The following AGBL4 variants were observed in gnomAD, a reference collection of about 807,000 sequenced individuals.
AGBL4 encodes AGBL carboxypeptidase 4, also known as cytosolic carboxypeptidase 6.
In AGBL4, 58 loss-of-function variants were observed where a neutral mutation model predicts 66.4. The observed-to-expected ratio is 0.87, with a 90% confidence interval of 0.71 to 1.09. The LOEUF (loss-of-function observed/expected upper bound fraction) is 1.09, where lower values mean the gene tolerates loss of function less well. Ranked by LOEUF, AGBL4 falls within the 50% of genes least tolerant of loss-of-function variation. The pLI is 0.00. For missense variants in AGBL4, 579 were observed against 631.0 expected (o/e 0.92, Z 0.88); for synonymous variants, 234 against 222.9 (o/e 1.05, Z -0.44).
chr1:49,875,080 G>C (rs1297301716), intron 1 of AGBL4, among the ~76,000 whole-genome samples: 1 of 145,184 alleles, frequency 6.9e-6, no homozygotes, highest in Non-Finnish European at 1.5e-5. Context: ...GTGGTATTTG[G>C]TTTTTTTGTT....
intron 3 of AGBL4, among the ~76,000 whole-genome samples, chr1:49,292,631 C>T (rs1469928967): frequency 1.3e-5 from 2 of 152,118 alleles, no homozygotes; most frequent in African/African-American, 4.8e-5. Flanking sequence ...ATGTGATGAC[C>T]AGCTGCAAAG....
At chr1:48,960,178 T>C (rs969152029) in intron 5 of AGBL4, among the ~76,000 whole-genome samples, 1 of 151,962 alleles carries the variant, frequency 6.6e-6, no homozygotes, top group African/African-American at 2.4e-5. Flanking sequence ...AATAGGAATA[T>C]GGATATATAT....
chr1:49,819,600 G>C (rs746222550), intron 2 of AGBL4, among the ~76,000 whole-genome samples: 5 of 152,088 alleles, frequency 3.3e-5, no homozygotes, highest in African/African-American at 4.8e-5. Context: ...ACTAACAATG[G>C]ACTGTTTTAT....
At chr1:48,796,989 A>G (rs1299019967) in intron 6 of AGBL4, among the ~76,000 whole-genome samples, 1 of 152,204 alleles carries the variant, frequency 6.6e-6, no homozygotes, top group Non-Finnish European at 1.5e-5. Flanking sequence ...CTAGGGGTCA[A>G]TGATATGCAC....
intron 5 of AGBL4, among the ~76,000 whole-genome samples, chr1:48,919,405 C>T (rs1235563591): frequency 6.6e-6 from 1 of 152,196 alleles, no homozygotes; most frequent in Non-Finnish European, 1.5e-5. Context: ...GTCCAGTGCT[C>T]TTTCTCATAT....
At chr1:49,328,161 C>T (rs568838561) in intron 3 of AGBL4, among the ~76,000 whole-genome samples, 1 of 152,208 alleles carries the variant, frequency 6.6e-6, no homozygotes, top group South Asian at 2.1e-4. Context: ...TGAGGCCATG[C>T]CTTCCAAGAT....
intron 2 of AGBL4, among the ~76,000 whole-genome samples, chr1:49,732,273 A>G (rs1407559918): frequency 6.6e-6 from 1 of 152,186 alleles, no homozygotes; most frequent in Non-Finnish European, 1.5e-5. Context: ...GTTTATCCTA[A>G]GGCTGCCCAC....
intron 2 of AGBL4, among the ~76,000 whole-genome samples, chr1:49,744,815 C>A (rs988404289): frequency 6.6e-6 from 1 of 151,772 alleles, no homozygotes; most frequent in African/African-American, 2.4e-5. Context: ...TATATAGAAA[C>A]AAATTTTTGT....
intron 9 of AGBL4, among the ~76,000 whole-genome samples, chr1:48,599,206 T>C (rs1310725849): frequency 6.6e-6 from 1 of 152,220 alleles, no homozygotes; most frequent in Non-Finnish European, 1.5e-5. Flanking sequence ...TTGTTGAGAC[T>C]TTTTAGAGTT....
intron 11 of AGBL4, among the ~76,000 whole-genome samples, chr1:48,569,283 A>C (rs539840782): frequency 6.6e-6 from 1 of 152,352 alleles, no homozygotes; most frequent in African/African-American, 2.4e-5. Flanking sequence ...ACCTTAAGGG[A>C]AGAAGCAATG....
chr1:49,059,063 G>T (rs1055998789), intron 4 of AGBL4, among the ~76,000 whole-genome samples: 1 of 152,230 alleles, frequency 6.6e-6, no homozygotes, highest in Non-Finnish European at 1.5e-5. Flanking sequence ...ATTTGCATAA[G>T]TAACAAGGAG....
chr1:49,393,689 A>C (rs534104442), intron 3 of AGBL4, among the ~76,000 whole-genome samples: 3 of 152,324 alleles, frequency 2.0e-5, no homozygotes, highest in African/African-American at 7.2e-5. Context: ...TTCTGAGTTA[A>C]GTTTCAAAGG....
At chr1:48,993,676 A>G (rs1379888350) in intron 5 of AGBL4, among the ~76,000 whole-genome samples, 1 of 152,164 alleles carries the variant, frequency 6.6e-6, no homozygotes, top group African/African-American at 2.4e-5. Flanking sequence ...ATTATGACTA[A>G]TGGAATTGAT....
chr1:49,653,396 G>T (rs772737479), intron 3 of AGBL4, among the ~76,000 whole-genome samples: 6 of 151,942 alleles, frequency 3.9e-5, no homozygotes, highest in Non-Finnish European at 8.8e-5. Context: ...AACTCAAAAA[G>T]CCAGAGTGCC....
At chr1:49,321,715 T>C (rs1282571186) in intron 3 of AGBL4, among the ~76,000 whole-genome samples, 1 of 152,248 alleles carries the variant, frequency 6.6e-6, no homozygotes. Flanking sequence ...TAATGTGTTA[T>C]GTTCATACGA....
At chr1:49,736,881 A>C (rs972879893) in intron 2 of AGBL4, among the ~76,000 whole-genome samples, 4 of 152,166 alleles carry the variant, frequency 2.6e-5, no homozygotes, top group Admixed American at 2.0e-4. Flanking sequence ...TCAAGAGAAC[A>C]CATAAAAATG....
intron 2 of AGBL4, among the ~76,000 whole-genome samples, chr1:49,721,167 G>T (rs980454412): frequency 6.6e-6 from 1 of 152,026 alleles, no homozygotes; most frequent in Non-Finnish European, 1.5e-5. Flanking sequence ...CAATGGCAGG[G>T]AGGATTGAAA....
rs1216819194 is a variant in AGBL4, at chr1:48,996,803, TTTCCTTCC to T, written c.594+48773_594+48780del. ...CAGAGGAAAATGTGGGGCCAAGGAA[TTTCCTTCC>T]TTCCTCCCTTCCTTCCTTCCTTCCT... On this transcript the variant is annotated intron_variant, in intron 5 of 13. Transcript: ENST00000371839. Among the ~76,000 whole-genome samples, 3 of 99,662 alleles carry T rather than the reference TTTCCTTCC, an allele frequency of 3.0e-5. No homozygotes were observed. In the East Asian group the frequency reaches 9.7e-4, roughly 32 times the overall value. 65.4% of individuals were successfully genotyped at this position (99,662 alleles called of 152,430 possible).
chr1:49,929,487 A>C (rs2148260048), intron 1 of AGBL4, among the ~76,000 whole-genome samples: 1 of 152,290 alleles, frequency 6.6e-6, no homozygotes, highest in East Asian at 1.9e-4. Context: ...TATCCAGTAA[A>C]AATATGTGCC....
Sources: gnomAD v4.1 joint callset for allele counts (sites outside exome capture counted in the v4.1 genomes callset) on GRCh38, gnomAD v4.1.1 for gene constraint, MANE v1.5 for transcripts, NCBI Gene and HGNC (gene_info 2026-07-23, HGNC 2026-07-21) for gene names.